The following PTGER3 variants were observed in gnomAD, a reference collection of about 807,000 sequenced individuals.
PTGER3 encodes prostaglandin E2 receptor EP3 subtype.
In PTGER3, 22 loss-of-function variants were observed where a neutral mutation model predicts 34.7. The ratio of observed to expected loss-of-function variants is 0.63; its 90% CI spans 0.45 to 0.91. PTGER3 has a LOEUF of 0.91. Ranked by LOEUF, PTGER3 falls within the 40% of genes least tolerant of loss-of-function variation. The pLI, the probability that PTGER3 is intolerant of heterozygous loss-of-function variation, is 0.00. For synonymous variants in PTGER3, 241 were observed against 230.1 expected (o/e 1.05, Z -0.43); for missense variants, 468 against 519.4 (o/e 0.90, Z 0.96).
At chr1:70,966,600 A>G (rs902087214), downstream of PTGER3, among the ~76,000 whole-genome samples, 1 of 150,162 alleles carries the variant, frequency 6.7e-6, no homozygotes, top group Non-Finnish European at 1.5e-5. Flanking sequence ...CCCTCCCCTC[A>G]CCCCCGACCC....
At chr1:70,974,183 T>C in intron 3 of PTGER3, 114 bp downstream of exon 3, 1 of 1,413,340 alleles carries the variant, frequency 7.1e-7, no homozygotes, top group Non-Finnish European at 9.4e-7. Flanking sequence ...GATGTATATG[T>C]TTAATTTGCA....
At chr1:71,027,149 T>C (rs572627509) in intron 1 of PTGER3, among the ~76,000 whole-genome samples, 1 of 152,226 alleles carries the variant, frequency 6.6e-6, no homozygotes, top group South Asian at 2.1e-4. Context: ...TAAAATCCTA[T>C]ATTTGATGTA....
At chr1:71,035,755 G>T (rs921537405) in intron 1 of PTGER3, among the ~76,000 whole-genome samples, 7 of 152,214 alleles carry the variant, frequency 4.6e-5, no homozygotes, top group African/African-American at 1.4e-4. Context: ...AGCTGGCCTT[G>T]CAGGCAATCT....
In PTGER3 at chr1:70,971,434, C is replaced by G; in HGVS notation, c.*296G>C. 1 of 1,104,442 alleles carries G rather than the reference C, an allele frequency of 9.1e-7. No homozygotes were observed. Among genetic ancestry groups the G allele is most frequent in the Non-Finnish European group, 1.1e-6 (1 of 906,466 alleles). The allele number at this position is 1,104,442 out of a possible 1,614,324, so 68.4% of individuals were successfully genotyped here. A position where few individuals can be genotyped will look rare whatever the true frequency, so the allele number is the denominator to read the frequency against. ...TTGAAGTTGGAGAAAACTCCTGGAA[C>G]ACAGGTCTTTCTTTTCATCACTTTT... On this transcript the variant is annotated 3_prime_UTR_variant, in exon 4 of 4. Transcript: ENST00000306666.
chr1:70,885,351 C>A (rs1310640126), intron 4 of PTGER3, among the ~76,000 whole-genome samples: 2 of 152,036 alleles, frequency 1.3e-5, no homozygotes, highest in Non-Finnish European at 2.9e-5. Flanking sequence ...TTAAGCTTTT[C>A]TTTTAACAGT....
At chr1:70,920,719 A>G (rs17090679) in intron 4 of PTGER3, among the ~76,000 whole-genome samples, 1,706 of 152,324 alleles carry the variant, frequency 0.011, 36 homozygotes, top group African/African-American at 0.037. Context: ...AGAGCATAGC[A>G]TGTCCTAAGA....
At chr1:70,987,809 T>C (rs746130422) in intron 2 of PTGER3, among the ~76,000 whole-genome samples, 1 of 152,214 alleles carries the variant, frequency 6.6e-6, no homozygotes, top group South Asian at 2.1e-4. Flanking sequence ...CTTTTATACA[T>C]CCGATAAATA....
chr1:70,900,247 C>A (rs1038317075), intron 4 of PTGER3, among the ~76,000 whole-genome samples: 2 of 152,098 alleles, frequency 1.3e-5, no homozygotes, highest in Admixed American at 6.6e-5. Context: ...TGGGTGACTG[C>A]AAAGCCCCCA....
chr1:71,043,568 C>T (rs1660490821), intron 1 of PTGER3, among the ~76,000 whole-genome samples: 2 of 152,250 alleles, frequency 1.3e-5, no homozygotes, highest in East Asian at 1.9e-4. Context: ...GAAGTTTGGA[C>T]AATTAGAATA....
Position 70,932,342 on chromosome 1 carries a change from C to T in PTGER3, c.*23+21421G>A, listed in dbSNP as rs1648788956. ...GCCCCCCAAACTGTTCCAACCTTTG[C>T]CTGTTACCCAGTTCCAAAGTCGCTT... On this transcript the variant is annotated intron_variant, in intron 4 of 4. Coordinates refer to the PTGER3 transcript ENST00000370931. 2.0e-5 allele frequency among the ~76,000 whole-genome samples: 3 copies of T among 152,306 alleles called. No individual in the cohort carries two copies. In the South Asian group the frequency reaches 6.2e-4, roughly 32 times the overall value.
chr1:70,876,507 G>A (rs1313324982), intron 4 of PTGER3, among the ~76,000 whole-genome samples: 1 of 151,854 alleles, frequency 6.6e-6, no homozygotes, highest in Admixed American at 6.6e-5. Context: ...AATTGTTTTT[G>A]GTGTCTTCAT....
chr1:71,017,683 G>C (rs1658031414), intron 1 of PTGER3, among the ~76,000 whole-genome samples: 1 of 152,116 alleles, frequency 6.6e-6, no homozygotes, highest in Non-Finnish European at 1.5e-5. Context: ...GCTCCACCAT[G>C]TGAAGATGTG....
At chr1:71,035,452 T>G (rs1166234004) in intron 1 of PTGER3, among the ~76,000 whole-genome samples, 2 of 152,204 alleles carry the variant, frequency 1.3e-5, no homozygotes, top group Non-Finnish European at 2.9e-5. Context: ...GCTTCCCCTC[T>G]CTCACCGATT....
At chr1:70,985,195 C>T (rs1332374167) in intron 2 of PTGER3, among the ~76,000 whole-genome samples, 2 of 152,150 alleles carry the variant, frequency 1.3e-5, no homozygotes, top group Non-Finnish European at 2.9e-5. Context: ...GGAGAAAGAA[C>T]AGAAACACAC....
rs536830605 is a variant in PTGER3 at position 70,975,216 on chromosome 1, G to C, written c.1078-828C>G. ...CCACTGAGTCTCCAGCAGCTACCAC[G>C]GTGCCTGGCACAGAAATCATAGTGG... On this transcript the variant is annotated intron_variant, in intron 2 of 3. Transcript: ENST00000306666. Among the ~76,000 whole-genome samples, 23 of 152,214 alleles carry C rather than the reference G, an allele frequency of 1.5e-4. No homozygotes were observed. In the Middle Eastern group the frequency reaches 0.01, roughly 68 times the overall value.
chr1:70,880,561 G>T (rs927871141), intron 4 of PTGER3, among the ~76,000 whole-genome samples: 5 of 151,618 alleles, frequency 3.3e-5, no homozygotes, highest in African/African-American at 9.7e-5. Flanking sequence ...ATGATGGCGG[G>T]CACCTGTAAT....
chr1:71,011,791 A>C, intron 2 of PTGER3: 2 of 989,786 alleles, frequency 2.0e-6, no homozygotes, highest in African/African-American at 3.5e-5. Context: ...AGAAAGCGAG[A>C]GAGGCAATGA....
chr1:71,045,388 C>T (rs974125157), intron 1 of PTGER3, among the ~76,000 whole-genome samples: 1 of 152,118 alleles, frequency 6.6e-6, no homozygotes, highest in African/African-American at 2.4e-5. Context: ...AAAAAAACTG[C>T]GTTCACGTGT....
intron 4 of PTGER3, among the ~76,000 whole-genome samples, chr1:70,872,594 A>G (rs1474270661): frequency 2.0e-5 from 3 of 152,234 alleles, no homozygotes; most frequent in Non-Finnish European, 4.4e-5. Context: ...ATTAAGTAAG[A>G]TGACCAAAAG....
Sources: gnomAD v4.1 joint callset for allele counts (sites outside exome capture counted in the v4.1 genomes callset) on GRCh38, gnomAD v4.1.1 for gene constraint, MANE v1.5 for transcripts, NCBI Gene and HGNC (gene_info 2026-07-23, HGNC 2026-07-21) for gene names.